Variants in KIAA0825 observed in about 807,000 individuals in gnomAD.
KIAA0825 encodes KIAA0825, also known as uncharacterized protein KIAA0825.
A neutral mutation model predicts 147.6 loss-of-function variants in KIAA0825; 119 were observed. The observed-to-expected ratio is 0.81, with a 90% confidence interval of 0.69 to 0.94. KIAA0825 has a LOEUF of 0.94. Ranked by LOEUF, KIAA0825 falls within the 40% of genes least tolerant of loss-of-function variation. KIAA0825 has a pLI of 0.00. For missense variants in KIAA0825, 1,381 were observed against 1,472.7 expected, an observed-to-expected ratio of 0.94 and a Z score of 1.02; for synonymous variants, 470 against 518.1, an observed-to-expected ratio of 0.91 and a Z score of 1.26.
chr5:94,301,466 A>G (rs904690831), intron 20 of KIAA0825, among the ~76,000 whole-genome samples: 2 of 152,070 alleles, frequency 1.3e-5, no homozygotes, highest in African/African-American at 4.8e-5. Context: ...TACCTGCTAT[A>G]CAAGGTGGTG....
chr5:94,525,919 T>C (rs1769188803), intron 3 of KIAA0825, among the ~76,000 whole-genome samples: 2 of 152,034 alleles, frequency 1.3e-5, no homozygotes, highest in South Asian at 4.1e-4. Flanking sequence ...ATCTCCCTCA[T>C]TGATACAAAC....
At chr5:94,161,030 C>T (rs780949211) in intron 20 of KIAA0825, among the ~76,000 whole-genome samples, 5 of 152,266 alleles carry the variant, frequency 3.3e-5, no homozygotes, top group African/African-American at 1.2e-4. Flanking sequence ...TTTTATGCCA[C>T]GACTCCCAAT....
chr5:94,481,737 C>T (rs963108186), intron 6 of KIAA0825, among the ~76,000 whole-genome samples: 1 of 151,994 alleles, frequency 6.6e-6, no homozygotes, highest in Non-Finnish European at 1.5e-5. Flanking sequence ...CCATTTGACC[C>T]CTCTTAAGAC....
At chr5:94,513,061 G>C (rs1766729196) in intron 5 of KIAA0825, among the ~76,000 whole-genome samples, 1 of 152,064 alleles carries the variant, frequency 6.6e-6, no homozygotes, top group Non-Finnish European at 1.5e-5. Flanking sequence ...ATGTATACTT[G>C]TCCACATATT....
chr5:94,264,294 TCAG>T (rs1776641194), intron 20 of KIAA0825, among the ~76,000 whole-genome samples: 1 of 152,224 alleles, frequency 6.6e-6, no homozygotes. Context: ...CAAGGTTGGT[TCAG>T]TGGCCAAACT....
At chr5:94,528,871 A>G (rs1769928893) in intron 3 of KIAA0825, among the ~76,000 whole-genome samples, 3 of 151,918 alleles carry the variant, frequency 2.0e-5, no homozygotes, top group African/African-American at 7.3e-5. Context: ...ATCCCAACAA[A>G]ACCATACAAA....
At chr5:94,439,557 A>G (rs1756805498) in intron 14 of KIAA0825, among the ~76,000 whole-genome samples, 2 of 152,102 alleles carry the variant, frequency 1.3e-5, no homozygotes, top group African/African-American at 4.8e-5. Context: ...AAGTTGCACA[A>G]GCACCCTTCG....
intron 20 of KIAA0825, among the ~76,000 whole-genome samples, chr5:94,217,302 T>A (rs1186231979): frequency 6.6e-6 from 1 of 152,156 alleles, no homozygotes; most frequent in Non-Finnish European, 1.5e-5. Flanking sequence ...TGAAAAAACT[T>A]AGCAAGAGAG....
chr5:94,376,770 C>A (rs1007449750), intron 20 of KIAA0825, among the ~76,000 whole-genome samples: 1 of 152,070 alleles, frequency 6.6e-6, no homozygotes, highest in Non-Finnish European at 1.5e-5. Context: ...TTCTAGGGAA[C>A]AGGAGCATGA....
chr5:94,360,061 A>G (rs1264623014), intron 20 of KIAA0825, among the ~76,000 whole-genome samples: 1 of 152,226 alleles, frequency 6.6e-6, no homozygotes, highest in Non-Finnish European at 1.5e-5. Flanking sequence ...ATAATGGAGT[A>G]GTTAGCAGGA....
At chr5:94,607,836 T>A (rs537886574) in intron 1 of KIAA0825, among the ~76,000 whole-genome samples, 18 of 152,312 alleles carry the variant, frequency 1.2e-4, no homozygotes, top group African/African-American at 4.3e-4. Context: ...TTCTTTTGCA[T>A]GTTCCAGCTT....
At chr5:94,155,307 T>C (rs2149902534) in intron 20 of KIAA0825, among the ~76,000 whole-genome samples, 1 of 147,690 alleles carries the variant, frequency 6.8e-6, no homozygotes, top group East Asian at 2.1e-4. Flanking sequence ...GGGCTTGACC[T>C]CTTGAGATCA....
chr5:94,527,727 C>T (rs1331222112), intron 3 of KIAA0825, among the ~76,000 whole-genome samples: 2 of 151,924 alleles, frequency 1.3e-5, no homozygotes. Context: ...CATTTCTGTT[C>T]ATTTCCGTGC....
At chr5:94,539,642 G>A (rs914123707) in intron 2 of KIAA0825, among the ~76,000 whole-genome samples, 1 of 152,086 alleles carries the variant, frequency 6.6e-6, no homozygotes, top group Non-Finnish European at 1.5e-5. Context: ...GGGTACCCGG[G>A]TAAATAATGG....
chr5:94,255,129 A>G (rs1776177940), intron 20 of KIAA0825, among the ~76,000 whole-genome samples: 1 of 150,852 alleles, frequency 6.6e-6, no homozygotes. Context: ...TCCATACTAG[A>G]TATTAATAAA....
chr5:94,375,327 G>A (rs1395380452), intron 20 of KIAA0825, among the ~76,000 whole-genome samples: 2 of 151,918 alleles, frequency 1.3e-5, no homozygotes, highest in African/African-American at 2.4e-5. Context: ...CACCACACCC[G>A]GCCAAAAATA....
At chr5:94,305,958 G>C (rs917484239) in intron 20 of KIAA0825, among the ~76,000 whole-genome samples, 2 of 151,764 alleles carry the variant, frequency 1.3e-5, no homozygotes, top group Non-Finnish European at 2.9e-5. Context: ...CTTAAAACTT[G>C]TTTAGCTACC....
chr5:94,282,187 T>C (rs1334068062), intron 20 of KIAA0825, among the ~76,000 whole-genome samples: 1 of 152,170 alleles, frequency 6.6e-6, no homozygotes, highest in African/African-American at 2.4e-5. Flanking sequence ...TTTAAAATGA[T>C]TTAAAATATC....
At chr5:94,469,323 A>G (rs1760928984) in intron 10 of KIAA0825, among the ~76,000 whole-genome samples, 1 of 151,984 alleles carries the variant, frequency 6.6e-6, no homozygotes, top group Non-Finnish European at 1.5e-5. Context: ...GGCATGCACC[A>G]CCACACCCAG....
Sources: gnomAD v4.1 joint callset for allele counts (sites outside exome capture counted in the v4.1 genomes callset) on GRCh38, gnomAD v4.1.1 for gene constraint, MANE v1.5 for transcripts, NCBI Gene and HGNC (gene_info 2026-07-23, HGNC 2026-07-21) for gene names.